The following PRKN variants were observed in gnomAD, a reference collection of about 807,000 sequenced individuals.
PRKN encodes the protein parkin RBR E3 ubiquitin protein ligase.
Under a neutral mutation model 59.5 loss-of-function variants are expected in PRKN, and 56 were observed. That is an observed-to-expected ratio of 0.94 (90% CI 0.76 to 1.18). The LOEUF is 1.18. Ranked by LOEUF, PRKN falls within the 50% of genes most tolerant of loss-of-function variation. The pLI is 0.00. For synonymous variants in PRKN, 250 were observed against 222.1 expected (o/e 1.13, Z -1.12); for missense variants, 657 against 596.4 (o/e 1.10, Z -1.06).
chr6:161,899,096 ATCCTCCACCCCGCAGCTATGTCAGCG>A (rs1325774623), intron 6 of PRKN, among the ~76,000 whole-genome samples: 2 of 152,216 alleles, frequency 1.3e-5, no homozygotes, highest in African/African-American at 4.8e-5. Flanking sequence ...CAGAGTCAGC[ATCCTCCACCCCGCAGCTATGTCAGCG>A]TGGCCCAGAC....
In PRKN at chr6:161,461,206, C is replaced by T. The variant is rs186932156; in HGVS notation, c.1084-74329G>A. ...CTAGCCAGTGGCTCAGAGGAAGCAG[C>T]GGCCTGTGCAAAGGTCTGGAGGTCT... On this transcript the variant is annotated intron_variant, in intron 9 of 11. Transcript: ENST00000366898. The surrounding 1 kb of genome is among the most constrained non-coding windows in gnomAD (Gnocchi z 5.1). Among the ~76,000 whole-genome samples, 58 of 152,276 alleles carry T rather than the reference C, an allele frequency of 3.8e-4. No individual in the cohort carries two copies. The highest frequency in any genetic ancestry group is 1.3e-3 in the African/African-American group (53 of 41,550).
At chr6:161,844,451 G>A (rs146815804) in intron 6 of PRKN, among the ~76,000 whole-genome samples, 6 of 152,342 alleles carry the variant, frequency 3.9e-5, no homozygotes, top group African/African-American at 1.4e-4. Flanking sequence ...GCCATGGTCA[G>A]GGTCTCTCTA....
chr6:161,600,768 C>A (rs748337904), intron 7 of PRKN, among the ~76,000 whole-genome samples: 32 of 152,138 alleles, frequency 2.1e-4, no homozygotes, highest in Non-Finnish European at 3.7e-4. Flanking sequence ...TTATTTCATT[C>A]TTTCTTTCCC....
Position 161,471,523 on chromosome 6 carries a change from A to C in PRKN, c.1083+77331T>G. Reference sequence around the variant, plus strand: ...GAAATGGAGAAATATGGATTGGGTAATGAAGAATGTATCCTCTTAGGCACT... The same window carrying C: ...GAAATGGAGAAATATGGATTGGGTACTGAAGAATGTATCCTCTTAGGCACT... On this transcript the variant is annotated intron_variant, in intron 9 of 11. Coordinates refer to ENST00000366898, the MANE Select transcript of PRKN (RefSeq NM_004562.3). The surrounding 1 kb of genome is among the most constrained non-coding windows in gnomAD (Gnocchi z 4.5). 6.6e-6 allele frequency among the ~76,000 whole-genome samples: 1 copy of C among 152,228 alleles called. No individual in the cohort carries two copies. The highest frequency in any genetic ancestry group is 1.9e-4 in the East Asian group (1 of 5,198).
At chr6:162,247,668 T>G (rs1381841755) in intron 3 of PRKN, among the ~76,000 whole-genome samples, 4 of 152,184 alleles carry the variant, frequency 2.6e-5, no homozygotes, top group Non-Finnish European at 4.4e-5. Flanking sequence ...AATACTATTT[T>G]TCCCTTTTGT....
chr6:161,411,258 T>C (rs188768548), intron 9 of PRKN, among the ~76,000 whole-genome samples: 6 of 152,196 alleles, frequency 3.9e-5, no homozygotes, highest in Admixed American at 2.6e-4. Flanking sequence ...AATCGAATCA[T>C]GGGGGTGGCT....
rs1784696106 is a variant in PRKN at position 161,355,077 on chromosome 6, C to T, written c.1286-4866G>A. Among the ~76,000 whole-genome samples, 1 of 152,244 alleles carries T rather than the reference C, an allele frequency of 6.6e-6. No homozygotes were observed. Among genetic ancestry groups the T allele is most frequent in the Non-Finnish European group, 1.5e-5 (1 of 68,050 alleles). On this transcript the variant is annotated intron_variant, in intron 11 of 11. Transcript: ENST00000366898. The surrounding 1 kb of genome is among the most constrained non-coding windows in gnomAD (Gnocchi z 6.8). Reference sequence around the variant, plus strand: ...AACCTGCCATTCAGGGACCTCAATTCTGCATCCTACCTACTGCTTCAGCTG... The same window carrying T: ...AACCTGCCATTCAGGGACCTCAATTTTGCATCCTACCTACTGCTTCAGCTG...
rs777674471 is a variant in PRKN, at chr6:162,262,447, C to T, written c.412+78G>A. The T allele has an allele frequency of 1.2e-5, 19 of 1,555,040 alleles. No individual in the cohort carries two copies. The East Asian group carries it at 1.8e-4, about 15-fold the overall frequency. ...ACGTATCATAAACTAAATATGCACC[C>T]GGTGAGGCCATGCTCCATGCAGACT... On this transcript the variant is annotated intron_variant, in intron 3 of 11. Transcript: ENST00000366898.
chr6:162,493,598 CT>C (rs1037568531), intron 1 of PRKN, among the ~76,000 whole-genome samples: 1 of 152,188 alleles, frequency 6.6e-6, no homozygotes, highest in Non-Finnish European at 1.5e-5. Context: ...AGAAGACAGA[CT>C]CAAGAAATAT....
intron 7 of PRKN, among the ~76,000 whole-genome samples, chr6:161,717,989 G>C (rs1000596002): frequency 6.6e-6 from 1 of 152,202 alleles, no homozygotes; most frequent in African/African-American, 2.4e-5. Flanking sequence ...CAAAACAGAC[G>C]CATGGCAGAA....
At chr6:162,557,300 A>C (rs1036472209) in intron 1 of PRKN, among the ~76,000 whole-genome samples, 1 of 152,170 alleles carries the variant, frequency 6.6e-6, no homozygotes, top group Non-Finnish European at 1.5e-5. Context: ...AGTCGAACAA[A>C]CACGCTGGAG....
intron 3 of PRKN, among the ~76,000 whole-genome samples, chr6:162,225,971 A>G (rs1778158687): frequency 6.8e-6 from 1 of 147,882 alleles, no homozygotes; most frequent in Non-Finnish European, 1.5e-5. Context: ...TATGTTTAGG[A>G]AACCATATGT....
chr6:161,805,909 C>T (rs1309387610), intron 6 of PRKN, among the ~76,000 whole-genome samples: 2 of 152,180 alleles, frequency 1.3e-5, no homozygotes, highest in South Asian at 2.1e-4. Flanking sequence ...AGTCCACGTA[C>T]ACCTGTGCTG....
At chr6:161,476,724 C>G (rs1337645857) in intron 9 of PRKN, among the ~76,000 whole-genome samples, 1 of 152,186 alleles carries the variant, frequency 6.6e-6, no homozygotes, top group East Asian at 1.9e-4. Context: ...TGATCGATTT[C>G]TGAGAACACT....
At chr6:161,850,833 T>G (rs1463434291) in intron 6 of PRKN, among the ~76,000 whole-genome samples, 1 of 152,224 alleles carries the variant, frequency 6.6e-6, no homozygotes, top group African/African-American at 2.4e-5. Flanking sequence ...TCAGTAACAG[T>G]CATACTAATG....
chr6:162,569,643 G>C, intron 1 of PRKN: 4 of 697,884 alleles, frequency 5.7e-6, no homozygotes, highest in Non-Finnish European at 8.0e-6. Context: ...AGCTGCACCA[G>C]CTCCACCAGG....
intron 1 of PRKN, among the ~76,000 whole-genome samples, chr6:162,669,950 A>G (rs1416343094): frequency 6.6e-6 from 1 of 152,244 alleles, no homozygotes; most frequent in Non-Finnish European, 1.5e-5. Context: ...TAAATCACCA[A>G]GGAAAGCAAA....
chr6:162,455,840 C>T (rs932749524), intron 1 of PRKN, among the ~76,000 whole-genome samples: 6 of 151,814 alleles, frequency 4.0e-5, no homozygotes, highest in African/African-American at 1.5e-4. Flanking sequence ...TTCAATTTTT[C>T]CCAATGTTTC....
intron 2 of PRKN, among the ~76,000 whole-genome samples, chr6:162,429,860 G>A (rs1026272251): frequency 6.6e-6 from 1 of 152,130 alleles, no homozygotes; most frequent in African/African-American, 2.4e-5. Context: ...CGAAGATTAT[G>A]TGCAAAGCCC....
Sources: allele counts gnomAD v4.1 joint callset (sites outside exome capture counted in the v4.1 genomes callset), GRCh38; gene constraint gnomAD v4.1.1; non-coding constraint Gnocchi (gnomAD v3.1); transcripts MANE v1.5; gene names NCBI Gene and HGNC (gene_info 2026-07-23, HGNC 2026-07-21).